Variants in KIAA1217 observed in about 807,000 individuals in gnomAD.
The protein encoded by KIAA1217 is sickle tail protein homolog.
A neutral mutation model predicts 163.9 loss-of-function variants in KIAA1217; 88 were observed. The observed-to-expected ratio is 0.54, with a 90% confidence interval of 0.45 to 0.64. KIAA1217 has a LOEUF of 0.64. Ranked by LOEUF, KIAA1217 falls within the 30% of genes least tolerant of loss-of-function variation. The pLI is 0.00. For missense variants in KIAA1217, 2,372 were observed against 2,475.0 expected (o/e 0.96, Z 0.88); for synonymous variants, 903 against 923.1 (o/e 0.98, Z 0.39).
At chr10:23,992,782 T>C (rs1433898236) in intron 1 of KIAA1217, among the ~76,000 whole-genome samples, 3 of 151,606 alleles carry the variant, frequency 2.0e-5, no homozygotes, top group Non-Finnish European at 2.9e-5. Flanking sequence ...TTCTGTGTTG[T>C]GACAGAGTCA....
At chr10:23,973,308 G>A (rs1845401504) in intron 1 of KIAA1217, among the ~76,000 whole-genome samples, 2 of 152,152 alleles carry the variant, frequency 1.3e-5, no homozygotes, top group Admixed American at 1.3e-4. Flanking sequence ...ACCATTTATT[G>A]TGCACTTATT....
rs151180701 is a variant in KIAA1217 at position 24,338,869 on chromosome 10, A to G, written c.355-42000A>G. 2.8e-4 allele frequency among the ~76,000 whole-genome samples: 43 copies of G among 152,308 alleles called. 1 individual carries two copies. In the East Asian group the frequency reaches 6.4e-3, roughly 23 times the overall value. ...ATCTTAACAGAATCATGTTGAAACT[A>G]TCTTATAGAAGGATATATAGAAAAA... On this transcript the variant is annotated intron_variant, in intron 2 of 20. Transcript: ENST00000376454.
intron 1 of KIAA1217, among the ~76,000 whole-genome samples, chr10:23,911,437 T>G (rs1043470448): frequency 6.6e-6 from 1 of 152,200 alleles, no homozygotes; most frequent in Non-Finnish European, 1.5e-5. Flanking sequence ...TGCAAGCAAT[T>G]TCCCCTTCTC....
chr10:23,710,801 A>C (rs1157159909), intron 1 of KIAA1217, among the ~76,000 whole-genome samples: 1 of 152,208 alleles, frequency 6.6e-6, no homozygotes, highest in Non-Finnish European at 1.5e-5. Context: ...AATAATCTCC[A>C]GGTAGCTCAT....
intron 2 of KIAA1217, among the ~76,000 whole-genome samples, chr10:24,276,471 G>C (rs534935493): frequency 1.3e-5 from 2 of 152,224 alleles, no homozygotes; most frequent in East Asian, 1.9e-4. Flanking sequence ...TAAGAGACAG[G>C]GTCTCGCTTT....
chr10:24,424,285 T>G (rs1314766541), intron 3 of KIAA1217, among the ~76,000 whole-genome samples: 2 of 152,202 alleles, frequency 1.3e-5, no homozygotes, highest in Non-Finnish European at 2.9e-5. Flanking sequence ...ACACACACCC[T>G]TGTTCAAATC....
Position 24,473,131 on chromosome 10 carries a change from A to G in KIAA1217, c.847-97A>G, listed in dbSNP as rs531662317. On this transcript the variant is annotated intron_variant, in intron 5 of 20. Transcript: ENST00000376454. ...TTCACAGATTCCAGGATGAGGGTGT[A>G]TACATCTTGCAGGGGAAGTCACACG... The G allele has an allele frequency of 4.8e-4, 385 of 805,696 alleles. 1 individual carries two copies. The African/African-American group carries it at 5.7e-3, about 12-fold the overall frequency. 49.9% of individuals were successfully genotyped at this position (805,696 alleles called of 1,614,324 possible). A position where few individuals can be genotyped will look rare whatever the true frequency, so the allele number is the denominator to read the frequency against.
upstream of KIAA1217, among the ~76,000 whole-genome samples, chr10:24,206,857 C>T (rs1279379136): frequency 1.3e-5 from 2 of 152,054 alleles, no homozygotes; most frequent in Non-Finnish European, 2.9e-5. Flanking sequence ...AAAGCAAGGT[C>T]GGCTGACCAA....
chr10:24,022,811 T>C (rs1847790268), intron 2 of KIAA1217, among the ~76,000 whole-genome samples: 1 of 151,520 alleles, frequency 6.6e-6, no homozygotes, highest in Admixed American at 6.6e-5. Flanking sequence ...GAAAGACATG[T>C]AGGAAATTAT....
At chr10:24,060,336 G>A (rs565550705) in intron 2 of KIAA1217, among the ~76,000 whole-genome samples, 33 of 151,928 alleles carry the variant, frequency 2.2e-4, no homozygotes, top group South Asian at 6.3e-4. Context: ...ATTTTTGTTG[G>A]TTGCAAGATA....
At chr10:23,926,255 G>A (rs973190216) in intron 1 of KIAA1217, among the ~76,000 whole-genome samples, 1 of 152,202 alleles carries the variant, frequency 6.6e-6, no homozygotes, top group Non-Finnish European at 1.5e-5. Flanking sequence ...GGGCAGAAGT[G>A]TAGCCACTTA....
intron 2 of KIAA1217, among the ~76,000 whole-genome samples, chr10:24,121,215 A>G (rs1017128688): frequency 4.6e-5 from 7 of 152,174 alleles, no homozygotes; most frequent in South Asian, 2.1e-4. Context: ...GTAGCCTAGC[A>G]TAGGTAGCAG....
intron 17 of KIAA1217, among the ~76,000 whole-genome samples, chr10:24,538,397 G>C (rs1342504955): frequency 6.6e-6 from 1 of 152,072 alleles, no homozygotes; most frequent in Non-Finnish European, 1.5e-5. Flanking sequence ...AGAAAACCTG[G>C]CCTGGCATGG....
intron 2 of KIAA1217, among the ~76,000 whole-genome samples, chr10:24,191,954 G>A (rs1029219861): frequency 2.6e-5 from 4 of 152,098 alleles, no homozygotes; most frequent in African/African-American, 7.2e-5. Flanking sequence ...GAGTTTTGCC[G>A]TGTTGGTCTG....
At position 23,922,791 on chromosome 10, in the gene KIAA1217, G is replaced by A. The variant is rs1288069622; in HGVS notation, c.-320-84434G>A. 2.0e-5 allele frequency among the ~76,000 whole-genome samples: 3 copies of A among 152,110 alleles called. No individual in the cohort carries two copies. The East Asian group carries it at 5.8e-4, about 29-fold the overall frequency. ...GATGCTTTTAATGACAGAAAATGTT[G>A]CTAAGGAACATGGCGGCCTGAAATA... On this transcript the variant is annotated intron_variant, in intron 1 of 18. Coordinates refer to the KIAA1217 transcript ENST00000376462.
At chr10:23,947,760 T>G (rs1844122414) in intron 1 of KIAA1217, among the ~76,000 whole-genome samples, 1 of 152,188 alleles carries the variant, frequency 6.6e-6, no homozygotes, top group African/African-American at 2.4e-5. Context: ...GTTGCCTGCC[T>G]AAAGCTTATA....
chr10:23,942,333 A>G (rs1013835704), intron 1 of KIAA1217, among the ~76,000 whole-genome samples: 1 of 152,216 alleles, frequency 6.6e-6, no homozygotes, highest in Non-Finnish European at 1.5e-5. Context: ...ACAATGAGGA[A>G]TACCAGAAGA....
At chr10:24,278,141 G>C (rs2077513489) in intron 2 of KIAA1217, among the ~76,000 whole-genome samples, 2 of 152,192 alleles carry the variant, frequency 1.3e-5, no homozygotes, top group Admixed American at 1.3e-4. Context: ...AGCCACTTTG[G>C]AGCAGGCCAA....
chr10:23,728,460 C>CT (rs998045199), intron 1 of KIAA1217, among the ~76,000 whole-genome samples: 1 of 148,476 alleles, frequency 6.7e-6, no homozygotes, highest in South Asian at 2.1e-4. Flanking sequence ...GCACAAATGT[C>CT]TTTTTTTGAG....
Sources: gnomAD v4.1 joint callset for allele counts (sites outside exome capture counted in the v4.1 genomes callset) on GRCh38, gnomAD v4.1.1 for gene constraint, MANE v1.5 for transcripts, NCBI Gene and HGNC (gene_info 2026-07-23, HGNC 2026-07-21) for gene names.